ABHD17C: variants seen among roughly 807,000 people sequenced by gnomAD.
ABHD17C encodes the protein abhydrolase domain containing 17C, depalmitoylase, also known as alpha/beta hydrolase domain-containing protein 17C.
In ABHD17C, 11 loss-of-function variants were observed where a neutral mutation model predicts 27.9. The ratio of observed to expected loss-of-function variants is 0.39; its 90% CI spans 0.25 to 0.65. ABHD17C has a LOEUF of 0.65. ABHD17C is among the 30% of genes least tolerant of loss of function. The pLI is 0.45. For synonymous variants in ABHD17C, 233 were observed against 209.1 expected (o/e 1.11, Z -0.98); for missense variants, 280 against 470.2 (o/e 0.60, Z 3.74).
intron 1 of ABHD17C, among the ~76,000 whole-genome samples, chr15:80,741,025 C>A (rs1208195837): frequency 1.3e-5 from 2 of 152,162 alleles, no homozygotes; most frequent in Admixed American, 6.5e-5. Flanking sequence ...ATTGCCGTTG[C>A]CCACATAGCT....
chr15:80,737,309 A>G (rs1349472997), intron 1 of ABHD17C, among the ~76,000 whole-genome samples: 1 of 152,172 alleles, frequency 6.6e-6, no homozygotes, highest in East Asian at 1.9e-4. Context: ...CATGCTTACT[A>G]AATATTAGTA....
intron 1 of ABHD17C, among the ~76,000 whole-genome samples, chr15:80,744,760 A>T (rs1450055112): frequency 6.6e-6 from 1 of 152,216 alleles, no homozygotes; most frequent in Admixed American, 6.5e-5. Flanking sequence ...CAGTCTCACC[A>T]CCTGAAGACA....
chr15:80,745,562 T>A (rs1376476048), intron 1 of ABHD17C, among the ~76,000 whole-genome samples: 2 of 152,160 alleles, frequency 1.3e-5, no homozygotes, highest in Non-Finnish European at 2.9e-5. Flanking sequence ...AGATGGTGTC[T>A]TGCTTTTTTG....
intron 1 of ABHD17C, among the ~76,000 whole-genome samples, chr15:80,726,600 C>T (rs1022629688): frequency 1.5e-4 from 23 of 150,368 alleles, no homozygotes; most frequent in Admixed American, 1.4e-3. Flanking sequence ...CAAGCTCCGC[C>T]CCCCCGCGTT....
At chr15:80,698,708 TA>T (rs1040779528) in intron 1 of ABHD17C, among the ~76,000 whole-genome samples, 11 of 152,244 alleles carry the variant, frequency 7.2e-5, no homozygotes, top group African/African-American at 2.7e-4. Context: ...AGCAAGTTCT[TA>T]TGCTATTCTC....
intron 1 of ABHD17C, among the ~76,000 whole-genome samples, chr15:80,724,336 C>T (rs7166165): frequency 0.15 from 22,690 of 151,908 alleles, 1,763 homozygotes; most frequent in East Asian, 0.21. Flanking sequence ...TCCTCCTTCC[C>T]CGTCCCCTCC....
At chr15:80,746,821 C>T (rs1318328461) in intron 1 of ABHD17C, among the ~76,000 whole-genome samples, 1 of 152,074 alleles carries the variant, frequency 6.6e-6, no homozygotes, top group East Asian at 1.9e-4. Context: ...TTATAAAGTC[C>T]CATGGCGTGT....
At chr15:80,748,136 T>A (rs2141522766) in intron 1 of ABHD17C, among the ~76,000 whole-genome samples, 1 of 152,308 alleles carries the variant, frequency 6.6e-6, no homozygotes, top group East Asian at 1.9e-4. Context: ...ATGCCCTGAA[T>A]TCTTTCTTTA....
intron 1 of ABHD17C, among the ~76,000 whole-genome samples, chr15:80,739,617 C>T: frequency 6.6e-6 from 1 of 152,154 alleles, no homozygotes; most frequent in East Asian, 1.9e-4. Context: ...CTCTCCCCCA[C>T]CATGTGACAC....
intron 1 of ABHD17C, among the ~76,000 whole-genome samples, chr15:80,703,633 A>C (rs1312585214): frequency 6.6e-6 from 1 of 152,160 alleles, no homozygotes; most frequent in Non-Finnish European, 1.5e-5. Context: ...TGTGCAGTCT[A>C]TGTATATGAG....
chr15:80,732,752 T>G (rs1297712677), intron 1 of ABHD17C, among the ~76,000 whole-genome samples: 1 of 152,208 alleles, frequency 6.6e-6, no homozygotes, highest in Non-Finnish European at 1.5e-5. Context: ...GGAAAGTGTC[T>G]GTTTAACACA....
rs1390537177 is a variant in ABHD17C, at chr15:80,717,390, A to G, written c.590+21371A>G. Among the ~76,000 whole-genome samples, 19 of 151,492 alleles carry G rather than the reference A, an allele frequency of 1.3e-4. No individual in the cohort carries two copies. In the South Asian group the frequency reaches 3.8e-3, roughly 30 times the overall value. ...TCTATTTTCCACTCGTTATAAAATT[A>G]CAACAAATTTTTTTTTTTTTTTTGA... is the stretch of plus-strand genomic sequence containing the variant. On this transcript the variant is annotated intron_variant, in intron 1 of 2. Transcript: ENST00000258884.
At chr15:80,732,375 T>C (rs561607814) in intron 1 of ABHD17C, among the ~76,000 whole-genome samples, 79 of 152,330 alleles carry the variant, frequency 5.2e-4, no homozygotes, top group African/African-American at 1.5e-3. Flanking sequence ...CAGACTCTGA[T>C]AGGCTTATCG....
At chr15:80,722,120 C>T (rs777197806) in intron 1 of ABHD17C, among the ~76,000 whole-genome samples, 15 of 151,934 alleles carry the variant, frequency 9.9e-5, no homozygotes, top group Non-Finnish European at 2.1e-4. Context: ...CGATTTTATC[C>T]GTCAGTTTGT....
chr15:80,705,603 C>T (rs1343040732), intron 1 of ABHD17C, among the ~76,000 whole-genome samples: 1 of 152,132 alleles, frequency 6.6e-6, no homozygotes, highest in African/African-American at 2.4e-5. Flanking sequence ...ACCAAATGCT[C>T]AGATCATGCT....
intron 1 of ABHD17C, among the ~76,000 whole-genome samples, chr15:80,726,534 C>G (rs531442005): frequency 1.0e-5 from 1 of 96,800 alleles, no homozygotes; most frequent in Admixed American, 1.5e-4. Flanking sequence ...TTTTTTGAGA[C>G]GGAGCCTTGC....
intron 1 of ABHD17C, among the ~76,000 whole-genome samples, chr15:80,742,390 A>C (rs1357051719): frequency 6.6e-6 from 1 of 152,188 alleles, no homozygotes; most frequent in Non-Finnish European, 1.5e-5. Flanking sequence ...TGAAGTCTGA[A>C]GGTCTTAGAA....
chr15:80,708,013 G>A (rs949783003), intron 1 of ABHD17C, among the ~76,000 whole-genome samples: 10 of 152,154 alleles, frequency 6.6e-5, no homozygotes, highest in African/African-American at 1.4e-4. Flanking sequence ...CTCTGGCTGC[G>A]GCCACGGGAC....
At chr15:80,714,117 C>G (rs1894771284) in intron 1 of ABHD17C, among the ~76,000 whole-genome samples, 2 of 152,028 alleles carry the variant, frequency 1.3e-5, no homozygotes, top group Non-Finnish European at 2.9e-5. Flanking sequence ...CCTCACCTGG[C>G]TAATTTTTGT....
Sources: allele counts gnomAD v4.1 joint callset (sites outside exome capture counted in the v4.1 genomes callset), GRCh38; gene constraint gnomAD v4.1.1; transcripts MANE v1.5; gene names NCBI Gene and HGNC (gene_info 2026-07-23, HGNC 2026-07-21).